The following MARCHF1 variants were observed in gnomAD, a reference collection of about 807,000 sequenced individuals.
The protein encoded by MARCHF1 is E3 ubiquitin-protein ligase MARCHF1.
Under a neutral mutation model 54.2 loss-of-function variants are expected in MARCHF1, and 40 were observed. The observed-to-expected ratio is 0.74, with a 90% CI of 0.57 to 0.96. The LOEUF (loss-of-function observed/expected upper bound fraction) is 0.96, where lower values mean the gene tolerates loss of function less well. MARCHF1 is among the 40% of genes least tolerant of loss of function. The pLI is 0.00. For missense variants in MARCHF1, 586 were observed against 656.5 expected, an observed-to-expected ratio of 0.89 and a Z score of 1.17; for synonymous variants, 236 against 236.3, an observed-to-expected ratio of 1.00 and a Z score of 0.01.
chr4:164,078,313 A>G (rs747725790), intron 2 of MARCHF1, among the ~76,000 whole-genome samples: 7 of 152,074 alleles, frequency 4.6e-5, no homozygotes, highest in Non-Finnish European at 8.8e-5. Flanking sequence ...TCACTCATAA[A>G]TGGGAGCTGA....
intron 4 of MARCHF1, among the ~76,000 whole-genome samples, chr4:163,733,629 C>T (rs746395053): frequency 4.0e-5 from 6 of 151,692 alleles, no homozygotes; most frequent in African/African-American, 1.5e-4. Context: ...CAACAGTCCC[C>T]GGAGTGTGAT....
chr4:164,204,287 T>C (rs1447123650), intron 1 of MARCHF1, among the ~76,000 whole-genome samples: 2 of 152,170 alleles, frequency 1.3e-5, no homozygotes, highest in Non-Finnish European at 1.5e-5. Flanking sequence ...AGAACAAATA[T>C]TAGAAATCAA....
intron 5 of MARCHF1, among the ~76,000 whole-genome samples, chr4:163,652,081 T>C (rs1742988599): frequency 6.6e-6 from 1 of 151,792 alleles, no homozygotes; most frequent in Non-Finnish European, 1.5e-5. Flanking sequence ...TGTTCTGCCG[T>C]CATGTGCAGA....
chr4:163,748,732 T>A (rs774145803), intron 4 of MARCHF1, among the ~76,000 whole-genome samples: 2 of 152,210 alleles, frequency 1.3e-5, no homozygotes, highest in Non-Finnish European at 2.9e-5. Context: ...CACATCCCAT[T>A]TCCTGCTATC....
chr4:163,599,052 G>A (rs1167845322), intron 7 of MARCHF1, among the ~76,000 whole-genome samples: 3 of 152,088 alleles, frequency 2.0e-5, no homozygotes. Context: ...ACTTTGGGAG[G>A]CCAAGGCAGG....
chr4:163,566,086 T>G (rs1022891122), intron 8 of MARCHF1, among the ~76,000 whole-genome samples: 2 of 152,206 alleles, frequency 1.3e-5, no homozygotes, highest in Non-Finnish European at 2.9e-5. Flanking sequence ...GTTCACAATT[T>G]TGATACCCTG....
chr4:164,238,820 C>G (rs1276769439), intron 1 of MARCHF1, among the ~76,000 whole-genome samples: 1 of 151,872 alleles, frequency 6.6e-6, no homozygotes, highest in Non-Finnish European at 1.5e-5. Context: ...TATTAAAACT[C>G]TCTTTTAATC....
intron 1 of MARCHF1, among the ~76,000 whole-genome samples, chr4:164,268,675 T>C (rs572573623): frequency 6.6e-6 from 1 of 152,338 alleles, no homozygotes; most frequent in South Asian, 2.1e-4. Flanking sequence ...TTTATCATTA[T>C]AATACATAGG....
chr4:164,020,834 G>C (rs1753646627), intron 2 of MARCHF1, among the ~76,000 whole-genome samples: 1 of 152,196 alleles, frequency 6.6e-6, no homozygotes, highest in African/African-American at 2.4e-5. Flanking sequence ...CAGAGGCTGA[G>C]GTGGGAGGAT....
intron 1 of MARCHF1, among the ~76,000 whole-genome samples, chr4:164,376,435 G>T (rs898837932): frequency 6.6e-6 from 1 of 152,008 alleles, no homozygotes. Context: ...CTTAGGCCAG[G>T]CTCTCTTCAA....
At chr4:163,889,489 T>C (rs1039440545) in intron 3 of MARCHF1, among the ~76,000 whole-genome samples, 2 of 152,150 alleles carry the variant, frequency 1.3e-5, no homozygotes, top group Admixed American at 6.5e-5. Flanking sequence ...AATTTCATAT[T>C]CTTTGGTATA....
intron 5 of MARCHF1, among the ~76,000 whole-genome samples, chr4:163,671,473 A>G (rs950228693): frequency 6.6e-6 from 1 of 152,220 alleles, no homozygotes; most frequent in Non-Finnish European, 1.5e-5. Context: ...CAGAAAGAGC[A>G]CAATGCAAGT....
chr4:164,257,583 A>G (rs1185850311), intron 1 of MARCHF1, among the ~76,000 whole-genome samples: 2 of 151,778 alleles, frequency 1.3e-5, no homozygotes, highest in Non-Finnish European at 2.9e-5. Context: ...AAATATATAT[A>G]TATTTGAAAA....
chr4:163,803,996 A>G (rs796436464), intron 4 of MARCHF1, among the ~76,000 whole-genome samples: 15 of 152,280 alleles, frequency 9.9e-5, no homozygotes, highest in African/African-American at 3.6e-4. Flanking sequence ...TTTTCGCAGT[A>G]TACCCTTTCT....
intron 1 of MARCHF1, among the ~76,000 whole-genome samples, chr4:164,248,047 T>G (rs1733009050): frequency 6.6e-6 from 1 of 151,792 alleles, no homozygotes; most frequent in Non-Finnish European, 1.5e-5. Context: ...ATCACATTCT[T>G]AAAGATTATA....
intron 2 of MARCHF1, among the ~76,000 whole-genome samples, chr4:164,078,026 A>G (rs1027979754): frequency 2.0e-5 from 3 of 152,226 alleles, no homozygotes; most frequent in Non-Finnish European, 4.4e-5. Context: ...CAATCCCATT[A>G]CTGGGTATAT....
intron 3 of MARCHF1, among the ~76,000 whole-genome samples, chr4:163,919,270 G>A (rs1046912141): frequency 6.6e-6 from 1 of 151,852 alleles, no homozygotes; most frequent in Non-Finnish European, 1.5e-5. Context: ...AGAGTTGCTG[G>A]GAGAAGAGAA....
chr4:164,086,481 A>G (rs1326221102), intron 2 of MARCHF1, among the ~76,000 whole-genome samples: 1 of 151,998 alleles, frequency 6.6e-6, no homozygotes, highest in Non-Finnish European at 1.5e-5. Flanking sequence ...ATGCTTCACT[A>G]CTGTACACAC....
intron 8 of MARCHF1, among the ~76,000 whole-genome samples, chr4:163,577,873 A>T (rs1474434283): frequency 2.0e-5 from 3 of 151,912 alleles, no homozygotes; most frequent in Admixed American, 6.6e-5. Context: ...TTATTAATAT[A>T]GCTTTCAATT....
Sources: gnomAD v4.1 joint callset for allele counts (sites outside exome capture counted in the v4.1 genomes callset) on GRCh38, gnomAD v4.1.1 for gene constraint, MANE v1.5 for transcripts, NCBI Gene and HGNC (gene_info 2026-07-23, HGNC 2026-07-21) for gene names.